Variants in TMEM40 observed in about 807,000 individuals in gnomAD.
The protein encoded by TMEM40 is transmembrane protein 40.
A neutral mutation model predicts 40.8 loss-of-function variants in TMEM40; 34 were observed. The ratio of observed to expected loss-of-function variants is 0.83; its 90% confidence interval spans 0.63 to 1.11. TMEM40 has a LOEUF of 1.11. Ranked by LOEUF, TMEM40 falls within the 50% of genes least tolerant of loss-of-function variation. The pLI, the probability that TMEM40 is intolerant of heterozygous loss-of-function variation, is 0.00. For missense variants in TMEM40, 296 were observed against 280.2 expected, an observed-to-expected ratio of 1.06 and a Z score of -0.40; for synonymous variants, 106 against 107.0, an observed-to-expected ratio of 0.99 and a Z score of 0.06.
upstream of TMEM40, among the ~76,000 whole-genome samples, chr3:12,760,531 C>T (rs1004304372): frequency 7.2e-5 from 11 of 152,044 alleles, no homozygotes; most frequent in Non-Finnish European, 1.3e-4. Flanking sequence ...CCTGGCCCCC[C>T]GCTCACTTCA....
intron 3 of TMEM40, 25 bp downstream of exon 3, chr3:12,748,630 A>G: frequency 1.3e-6 from 2 of 1,599,754 alleles, no homozygotes; most frequent in East Asian, 2.2e-5. Context: ...TGAATAATAT[A>G]CATATATTTA....
At position 12,738,543 on chromosome 3, in the gene TMEM40, G is replaced by A. The variant is rs780349140; in HGVS notation, c.391+10C>T. ...CACCAACGACCTCTCTCCTCTAACT[G>A]GACACTCACCTGATTCCCCAGAGGG... On this transcript the variant is annotated intron_variant, in intron 6 of 11. Coordinates refer to ENST00000314124, the MANE Select transcript of TMEM40 (RefSeq NM_018306.4). The A allele has an allele frequency of 6.2e-7, 1 of 1,613,724 alleles. No homozygotes were observed. The highest frequency in any genetic ancestry group is 1.3e-5 in the African/African-American group (1 of 74,876).
In TMEM40 at chr3:12,734,631, C is replaced by T; in HGVS notation, c.*143G>A. The T allele has an allele frequency of 1.0e-6, 1 of 981,250 alleles. No individual in the cohort carries two copies. Among genetic ancestry groups the T allele is most frequent in the Non-Finnish European group, 1.5e-6 (1 of 658,228 alleles). The allele number at this position is 981,250 out of a possible 1,614,324, so 60.8% of individuals were successfully genotyped here. ...CCCGGGCTGGTGCCAACATTCAGAC[C>T]ACATGGAAGGAAAAGTGTTCTGTTT... On this transcript the variant is annotated 3_prime_UTR_variant, in exon 12 of 12. Coordinates refer to ENST00000314124, the MANE Select transcript of TMEM40 (RefSeq NM_018306.4).
At chr3:12,763,769 A>T (rs944896918), upstream of TMEM40, among the ~76,000 whole-genome samples, 1 of 152,124 alleles carries the variant, frequency 6.6e-6, no homozygotes, top group Non-Finnish European at 1.5e-5. Flanking sequence ...TGTTCTTGTG[A>T]TGAGGCTGTG....
intron 1 of TMEM40, among the ~76,000 whole-genome samples, chr3:12,755,186 C>T (rs1226504685): frequency 7.1e-5 from 7 of 98,636 alleles, no homozygotes; most frequent in Admixed American, 2.8e-4. Context: ...CTCTCTCCTT[C>T]CTTCCTTCCT....
intron 1 of TMEM40, among the ~76,000 whole-genome samples, chr3:12,765,861 C>G (rs1215960152): frequency 6.6e-6 from 1 of 151,082 alleles, no homozygotes; most frequent in East Asian, 2.0e-4. Flanking sequence ...CTGCGCCCAG[C>G]CTCTTTCTTT....
chr3:12,753,494 C>T (rs74342397), intron 1 of TMEM40, among the ~76,000 whole-genome samples: 11,704 of 151,944 alleles, frequency 0.077, 601 homozygotes, highest in African/African-American at 0.15. Context: ...GAAGTGCTGA[C>T]GTTACAGGCA....
intron 1 of TMEM40, among the ~76,000 whole-genome samples, chr3:12,755,205 T>TTCTCTCTCTCTC (rs1337585853): frequency 8.4e-5 from 7 of 83,262 alleles, no homozygotes; most frequent in African/African-American, 4.5e-4. Context: ...CTTCCTTTCT[T>TTCTCTCTCTCTC]TCTTTCTTTC....
At chr3:12,747,509 T>C (rs948074642) in intron 3 of TMEM40, among the ~76,000 whole-genome samples, 40 of 152,224 alleles carry the variant, frequency 2.6e-4, no homozygotes, top group Non-Finnish European at 1.2e-4. Context: ...CAATAAATAT[T>C]GCTGGTGCTA....
At chr3:12,755,229 CTCTCTCTT>C (rs1455987319) in intron 1 of TMEM40, among the ~76,000 whole-genome samples, 205 of 65,512 alleles carry the variant, frequency 3.1e-3, no homozygotes, top group Middle Eastern at 0.015. Flanking sequence ...CTCTCTCTCT[CTCTCTCTT>C]TCTTTCTTTC....
At chr3:12,768,623 C>CA (rs1486632054) in intron 1 of TMEM40, among the ~76,000 whole-genome samples, 1 of 88 alleles carries the variant, frequency 0.011, no homozygotes, top group African/African-American at 0.05. Context: ...GGTGTGTTTA[C>CA]AAACCTGAGC....
At chr3:12,746,572 C>T (rs569672427) in intron 3 of TMEM40, among the ~76,000 whole-genome samples, 2 of 152,224 alleles carry the variant, frequency 1.3e-5, no homozygotes, top group South Asian at 2.1e-4. Flanking sequence ...GGCAGGGCTG[C>T]GGTGAGGCAC....
intron 8 of TMEM40, 92 bp downstream of exon 8, chr3:12,737,615 T>A (rs2061347150): frequency 1.6e-5 from 19 of 1,185,638 alleles, no homozygotes; most frequent in Admixed American, 5.2e-5. Context: ...AGGTGGGCTA[T>A]GATTACTGCT....
intron 1 of TMEM40, among the ~76,000 whole-genome samples, chr3:12,757,687 C>G (rs2061539491): frequency 6.6e-6 from 1 of 152,090 alleles, no homozygotes; most frequent in African/African-American, 2.4e-5. Flanking sequence ...TTGTCAGCTC[C>G]TCAAAAGGTT....
intron 8 of TMEM40, 93 bp from the exon 9 acceptor site, chr3:12,736,928 G>A (rs189915906): frequency 1.5e-4 from 219 of 1,506,520 alleles, no homozygotes; most frequent in Non-Finnish European, 1.9e-4. Context: ...ACCCAGGGTG[G>A]AGTGCAGTTG....
rs150867060 is a variant in TMEM40 at position 12,746,713 on chromosome 3, T to A, written c.211+1942A>T. Among the ~76,000 whole-genome samples the A allele has an allele frequency of 1.3e-3, 200 of 152,300 alleles. 1 individual carries two copies. Among genetic ancestry groups the A allele is most frequent in the African/African-American group, 4.7e-3 (196 of 41,576 alleles). On this transcript the variant is annotated intron_variant, in intron 3 of 11. Coordinates refer to ENST00000314124, the MANE Select transcript of TMEM40 (RefSeq NM_018306.4). ...CTGAATGTCAGCCTGTCTTTATGCT[T>A]CTAGGACTCTGGCTTTCTCCCGCTG... is the stretch of plus-strand genomic sequence containing the variant.
intron 5 of TMEM40, 172 bp from the exon 6 acceptor site, chr3:12,738,760 A>C (rs1377197704): frequency 1.6e-6 from 1 of 620,506 alleles, no homozygotes; most frequent in Non-Finnish European, 2.9e-6. Flanking sequence ...GGCAGCCACC[A>C]CCCACCAGCC....
upstream of TMEM40, among the ~76,000 whole-genome samples, chr3:12,760,790 G>A (rs2061564353): frequency 6.7e-6 from 1 of 150,132 alleles, no homozygotes; most frequent in Admixed American, 6.7e-5. Flanking sequence ...TGCCCAAGCT[G>A]GAGTGCAGTG....
chr3:12,768,419 G>C (rs1009790943), intron 1 of TMEM40, among the ~76,000 whole-genome samples: 1 of 152,166 alleles, frequency 6.6e-6, no homozygotes, highest in African/African-American at 2.4e-5. Context: ...ATTTTACAGA[G>C]AGCCGATTGG....
Sources: allele counts gnomAD v4.1 joint callset (sites outside exome capture counted in the v4.1 genomes callset), GRCh38; gene constraint gnomAD v4.1.1; transcripts MANE v1.5; gene names NCBI Gene and HGNC (gene_info 2026-07-23, HGNC 2026-07-21).